Variants in ENTREP3 observed in about 807,000 individuals in gnomAD.
The protein encoded by ENTREP3 is protein ENTREP3.
At chr1:155,250,248 A>C in the ENTREP3 span, 49 of 1,538,054 alleles carry the variant, frequency 3.2e-5, no homozygotes, top group Non-Finnish European at 4.3e-5. This position sits in a 1 kb window ranked among gnomAD's most constrained non-coding sequence, Gnocchi z 5.4. Flanking sequence ...CCCTCTCCTG[A>C]GCCTGGGCAG....
the ENTREP3 span, chr1:155,251,385 TG>T: frequency 1.3e-6 from 1 of 776,618 alleles, no homozygotes; most frequent in Non-Finnish European, 2.1e-6. Context: ...GTGGGCATGC[TG>T]GTGCTGTAAA....
chr1:155,252,692 A>ATATATATG, the ENTREP3 span: 5 of 32,782 alleles, frequency 1.5e-4, no homozygotes, highest in Non-Finnish European at 1.9e-4. Flanking sequence ...TTTTGTGTGT[A>ATATATATG]TATATATATA....
the ENTREP3 span, chr1:155,255,059 G>T: frequency 5.0e-6 from 3 of 605,404 alleles, no homozygotes; most frequent in Non-Finnish European, 5.9e-6. This position sits in a 1 kb window ranked among gnomAD's most constrained non-coding sequence, Gnocchi z 5.6. Flanking sequence ...AGCGAGGGGC[G>T]TCACGGAGGG....
chr1:155,254,068 C>T, the ENTREP3 span: 2 of 1,613,658 alleles, frequency 1.2e-6, no homozygotes, highest in Non-Finnish European at 1.7e-6. The surrounding 1 kb of genome is among the most constrained non-coding windows in gnomAD (Gnocchi z 4.4). Flanking sequence ...TCCAGCTCTC[C>T]CTCCTCAAAT....
At chr1:155,254,818 G>C in the ENTREP3 span, 19 of 1,607,794 alleles carry the variant, frequency 1.2e-5, no homozygotes, top group Non-Finnish European at 1.6e-5. The surrounding 1 kb of genome is among the most constrained non-coding windows in gnomAD (Gnocchi z 4.4). Flanking sequence ...GGTGGGTAAG[G>C]CCCCTGGTGC....
chr1:155,251,199 C>T, the ENTREP3 span: 5 of 1,495,170 alleles, frequency 3.3e-6, no homozygotes, highest in Non-Finnish European at 1.8e-6. Context: ...TTCAGCCCTA[C>T]ACACTGAACA....
At chr1:155,254,796 G>T in the ENTREP3 span, 2 of 1,612,502 alleles carry the variant, frequency 1.2e-6, no homozygotes, top group Non-Finnish European at 1.7e-6. The surrounding 1 kb of genome is among the most constrained non-coding windows in gnomAD (Gnocchi z 4.4). Flanking sequence ...AGCCAGGGTC[G>T]GTGGAGGCGG....
the ENTREP3 span, chr1:155,254,694 C>T: frequency 6.8e-6 from 11 of 1,611,312 alleles, no homozygotes; most frequent in Non-Finnish European, 9.3e-6. The surrounding 1 kb of genome is among the most constrained non-coding windows in gnomAD (Gnocchi z 4.4). Context: ...TTGATGCTCT[C>T]GGTGGTGGTG....
the ENTREP3 span, chr1:155,248,187 G>A: frequency 6.2e-7 from 1 of 1,610,878 alleles, no homozygotes; most frequent in Non-Finnish European, 8.5e-7. Context: ...GGGCCCGAGG[G>A]CAGGGGAACT....
At chr1:155,252,124 T>C in the ENTREP3 span, 11 of 454,224 alleles carry the variant, frequency 2.4e-5, no homozygotes, top group Non-Finnish European at 3.8e-5. Context: ...TTCCTCTTTA[T>C]GGCCCCACCT....
At chr1:155,254,109 G>A in the ENTREP3 span, 1 of 1,614,084 alleles carries the variant, frequency 6.2e-7, no homozygotes, top group East Asian at 2.2e-5. This position sits in a 1 kb window ranked among gnomAD's most constrained non-coding sequence, Gnocchi z 4.4. Flanking sequence ...GAAGTCTCGG[G>A]CCAGTTGAGC....
chr1:155,254,150 G>A, the ENTREP3 span: 54 of 1,614,134 alleles, frequency 3.3e-5, no homozygotes, highest in Non-Finnish European at 4.5e-5. This position sits in a 1 kb window ranked among gnomAD's most constrained non-coding sequence, Gnocchi z 4.4. Flanking sequence ...AGCCAGCCAT[G>A]CTAAGCATGA....
At chr1:155,250,771 C>T in the ENTREP3 span, 1 of 1,611,562 alleles carries the variant, frequency 6.2e-7, no homozygotes, top group Admixed American at 1.7e-5. This position sits in a 1 kb window ranked among gnomAD's most constrained non-coding sequence, Gnocchi z 5.4. Context: ...CTAGAGCCCC[C>T]AGGGAGGTCA....
At chr1:155,249,023 CCTTT>C in the ENTREP3 span, among the ~76,000 whole-genome samples, 1 of 151,990 alleles carries the variant, frequency 6.6e-6, no homozygotes, top group African/African-American at 2.4e-5. Context: ...GCCACTGTCT[CCTTT>C]CTCAGCATCT....
At chr1:155,254,149 T>C in the ENTREP3 span, 5 of 1,614,026 alleles carry the variant, frequency 3.1e-6, no homozygotes, top group Non-Finnish European at 4.2e-6. This position sits in a 1 kb window ranked among gnomAD's most constrained non-coding sequence, Gnocchi z 4.4. Flanking sequence ...GAGCCAGCCA[T>C]GCTAAGCATG....
chr1:155,252,720 A>T, the ENTREP3 span: 1,200 of 29,366 alleles, frequency 0.041, 35 homozygotes, highest in Non-Finnish European at 0.05. Context: ...ATATATATAT[A>T]TATTTTTTTT....
chr1:155,250,876 C>T, the ENTREP3 span: 4 of 1,500,556 alleles, frequency 2.7e-6, no homozygotes, highest in African/African-American at 1.4e-5. The surrounding 1 kb of genome is among the most constrained non-coding windows in gnomAD (Gnocchi z 5.4). Context: ...CTAGCCCTGC[C>T]CAGGCAGTTC....
At chr1:155,247,663 T>TG in the ENTREP3 span, 26 of 969,642 alleles carry the variant, frequency 2.7e-5, no homozygotes, top group East Asian at 5.5e-4. Context: ...AGGGACACTT[T>TG]GGGGGGTATA....
chr1:155,247,992 G>T, the ENTREP3 span: 2 of 1,612,534 alleles, frequency 1.2e-6, no homozygotes, highest in Non-Finnish European at 1.7e-6. Flanking sequence ...CATCAATAAG[G>T]CTCAATCTGA....
Sources: gnomAD v4.1 joint callset for allele counts (sites outside exome capture counted in the v4.1 genomes callset) on GRCh38, gnomAD v4.1.1 for gene constraint, Gnocchi (gnomAD v3.1) non-coding constraint, MANE v1.5 for transcripts, NCBI Gene and HGNC (gene_info 2026-07-23, HGNC 2026-07-21) for gene names.